The following PKM variants were observed in gnomAD, a reference collection of about 807,000 sequenced individuals.
The protein encoded by PKM is pyruvate kinase M1/2.
A neutral mutation model predicts 49.8 loss-of-function variants in PKM; 18 were observed. The observed-to-expected ratio is 0.36, with a 90% CI of 0.25 to 0.54. PKM has a LOEUF of 0.54. PKM is among the 20% of genes least tolerant of loss of function. The pLI is 0.89. For synonymous variants in PKM, 239 were observed against 261.8 expected (o/e 0.91, Z 0.84); for missense variants, 508 against 713.8 (o/e 0.71, Z 3.28).
chr15:72,223,804 C>T (rs974205253), intron 1 of PKM, among the ~76,000 whole-genome samples: 1 of 151,888 alleles, frequency 6.6e-6, no homozygotes, highest in Admixed American at 6.6e-5. Flanking sequence ...AGACCTGGGT[C>T]TTAAGCCCAC....
chr15:72,207,767 T>G (rs965332320), intron 6 of PKM, among the ~76,000 whole-genome samples: 5 of 152,244 alleles, frequency 3.3e-5, no homozygotes, highest in African/African-American at 1.2e-4. Context: ...TTGCCTGGCC[T>G]AGGGCCAAGT....
Position 72,206,615 on chromosome 15 carries a change from T to C in PKM, c.1140+113A>G, listed in dbSNP as rs572255509. On this transcript the variant is annotated intron_variant, in intron 8 of 10. Coordinates refer to ENST00000335181, the MANE Select transcript of PKM (RefSeq NM_002654.6). ...CTTGCTGCTGTAACTTGGAGGATAA[T>C]GAAAGGCTGTGCATAAGAGGATGGA... is the stretch of plus-strand genomic sequence containing the variant. The C allele has an allele frequency of 1.8e-4, 194 of 1,054,618 alleles. 2 individuals are homozygous for C. In the East Asian group the frequency reaches 4.6e-3, roughly 25 times the overall value. The allele number at this position is 1,054,618 out of a possible 1,614,324, so 65.3% of individuals were successfully genotyped here. A position where few individuals can be genotyped will look rare whatever the true frequency, so the allele number is the denominator to read the frequency against.
chr15:72,230,136 C>T (rs994973388), intron 1 of PKM, among the ~76,000 whole-genome samples: 1 of 152,148 alleles, frequency 6.6e-6, no homozygotes, highest in Non-Finnish European at 1.5e-5. Flanking sequence ...GGCCACCCGG[C>T]AAGGGCCGGT....
At position 72,200,410 on chromosome 15, in the gene PKM, C is replaced by G; in HGVS notation, c.1489+64G>C. ...TATTCCCCAAACTTTCGGGGTCCCA[C>G]AGAAGCCAATGCTCAAGCATCCCCA... On this transcript the variant is annotated intron_variant, in intron 10 of 10. Coordinates refer to ENST00000335181, the MANE Select transcript of PKM (RefSeq NM_002654.6). This position sits in a 1 kb window ranked among gnomAD's most constrained non-coding sequence, Gnocchi z 4.6. 6.5e-7 allele frequency: 1 copy of G among 1,529,396 alleles called. No individual in the cohort carries two copies. Among genetic ancestry groups the G allele is most frequent in the South Asian group, 1.1e-5 (1 of 88,866 alleles). 94.7% of individuals were successfully genotyped at this position (1,529,396 alleles called of 1,614,324 possible).
intron 3 of PKM, among the ~76,000 whole-genome samples, chr15:72,212,658 A>C (rs970958992): frequency 3.9e-5 from 6 of 152,294 alleles, no homozygotes; most frequent in African/African-American, 1.4e-4. Flanking sequence ...ACTCAGGTGT[A>C]CTGAGTTCCA....
At chr15:72,223,527 G>A (rs2082582261) in intron 1 of PKM, among the ~76,000 whole-genome samples, 1 of 152,162 alleles carries the variant, frequency 6.6e-6, no homozygotes, top group South Asian at 2.1e-4. Flanking sequence ...CCGAACACCT[G>A]CATCCGTTAG....
rs998657395 is a variant in PKM at position 72,221,361 on chromosome 15, G to C, written c.-13-2251C>G. 3 of 769,692 alleles carry C rather than the reference G, an allele frequency of 3.9e-6. No individual in the cohort carries two copies. The African/African-American group carries it at 5.2e-5, about 13-fold the overall frequency. 47.7% of individuals were successfully genotyped at this position (769,692 alleles called of 1,614,324 possible). ...ATGGAAAAATTACCTTAATAACCAG[G>C]TATCCAGGTGACAGCTGCTCTAGAG... On this transcript the variant is annotated intron_variant, in intron 1 of 10. Coordinates refer to ENST00000335181, the MANE Select transcript of PKM (RefSeq NM_002654.6).
chr15:72,207,950 G>A (rs2082128829), intron 6 of PKM, among the ~76,000 whole-genome samples: 1 of 152,248 alleles, frequency 6.6e-6, no homozygotes, highest in African/African-American at 2.4e-5. Flanking sequence ...TAGCATCTTA[G>A]TTGTGCTGAG....
At chr15:72,207,066 A>G (rs1024102900) in intron 7 of PKM, 61 bp downstream of exon 7, 2 of 1,593,854 alleles carry the variant, frequency 1.3e-6, no homozygotes, top group Admixed American at 1.7e-5. Context: ...CAGCCTCCAG[A>G]GCTTTCCCAT....
chr15:72,219,074 G>C lies in PKM; in HGVS notation c.24C>G (p.Ala8=). MSKPHSE[A]GTAFIQTQQL... ...GCTGGGTCTGAATGAAGGCAGTCCC[G>C]GCTTCACTATGGGGCTTCGACATGG... is the stretch of plus-strand genomic sequence containing the variant. Residue 8 remains alanine, a synonymous_variant, in exon 2 of 11, where the codon GCC becomes GCG. Coordinates refer to ENST00000335181, the MANE Select transcript of PKM (RefSeq NM_002654.6). 1 of 1,614,134 alleles carries C rather than the reference G, an allele frequency of 6.2e-7. No homozygotes were observed. The highest frequency in any genetic ancestry group is 8.5e-7 in the Non-Finnish European group (1 of 1,179,998).
chr15:72,219,645 C>T (rs1266772428), intron 1 of PKM, among the ~76,000 whole-genome samples: 1 of 152,200 alleles, frequency 6.6e-6, no homozygotes, highest in Non-Finnish European at 1.5e-5. Context: ...AACCCAAAGT[C>T]ATTCCCCTGA....
Position 72,206,725 on chromosome 15 carries a change from C to A in PKM, c.1140+3G>T. On this transcript the variant is annotated splice_donor_region_variant and intron_variant, in intron 8 of 10. Transcript: ENST00000335181. ...GGGGGATGGGGCAGGCCCCAGAACTCACCAGGTGCTGCATGCGCACAGCCT... is the reference window on the plus strand; with the variant it reads ...GGGGGATGGGGCAGGCCCCAGAACTAACCAGGTGCTGCATGCGCACAGCCT... 6.2e-7 allele frequency: 1 copy of A among 1,612,666 alleles called. No homozygotes were observed. The highest frequency in any genetic ancestry group is 8.5e-7 in the Non-Finnish European group (1 of 1,179,986).
chr15:72,206,638 G>A, intron 8 of PKM, 90 bp downstream of exon 8: 1 of 1,279,890 alleles, frequency 7.8e-7, no homozygotes, highest in South Asian at 1.2e-5. Context: ...ATAAGAGGAT[G>A]GAGAAACCTA....
chr15:72,202,369 G>T lies in PKM; in HGVS notation c.1307+85C>A. 7.3e-7 allele frequency: 1 copy of T among 1,376,860 alleles called. No individual in the cohort carries two copies. Among genetic ancestry groups the T allele is most frequent in the Non-Finnish European group, 1.0e-6 (1 of 988,588 alleles). The allele number at this position is 1,376,860 out of a possible 1,614,324, so 85.3% of individuals were successfully genotyped here. ...CTTACCTTGGCTCAGTGCCACCTGA[G>T]CATTGTTCAATGGACTGCTCCCAGG... On this transcript the variant is annotated intron_variant, in intron 9 of 10. Transcript: ENST00000335181. The surrounding 1 kb of genome is among the most constrained non-coding windows in gnomAD (Gnocchi z 4.5).
intron 8 of PKM, among the ~76,000 whole-genome samples, chr15:72,205,870 C>T (rs1448919385): frequency 2.6e-5 from 4 of 152,124 alleles, no homozygotes; most frequent in African/African-American, 9.7e-5. Context: ...GATCAGGGAT[C>T]CCTGAGTTAG....
Position 72,230,210 on chromosome 15 carries a change from G to A in PKM, c.-14+906C>T, listed in dbSNP as rs543329241. ...GGCCGCCCATCTAATCCCGGCCACA[G>A]GGGACGGCACCGCGCCGCAGGGGCA... On this transcript the variant is annotated intron_variant, in intron 1 of 10. Transcript: ENST00000335181. Among the ~76,000 whole-genome samples the A allele has an allele frequency of 4.3e-3, 657 of 152,318 alleles. 4 individuals are homozygous for A. The highest frequency in any genetic ancestry group is 7.9e-3 in the Non-Finnish European group (534 of 68,010).
Position 72,200,720 on chromosome 15 carries a change from G to T in PKM, c.1308-65C>A. 1 of 1,402,468 alleles carries T rather than the reference G, an allele frequency of 7.1e-7. No homozygotes were observed. The highest frequency in any genetic ancestry group is 9.9e-7 in the Non-Finnish European group (1 of 1,006,386). 86.9% of individuals were successfully genotyped at this position (1,402,468 alleles called of 1,614,324 possible). On this transcript the variant is annotated intron_variant, in intron 9 of 10. Coordinates refer to ENST00000335181, the MANE Select transcript of PKM (RefSeq NM_002654.6). This position sits in a 1 kb window ranked among gnomAD's most constrained non-coding sequence, Gnocchi z 4.6. ...CGAGGCCCCAGGAAGTACCCTCAGGGCGTTCAAACAGCTCACCCTCTCATC... is the reference window on the plus strand; with the variant it reads ...CGAGGCCCCAGGAAGTACCCTCAGGTCGTTCAAACAGCTCACCCTCTCATC...
Position 72,206,887 on chromosome 15 carries a change from G to A in PKM, c.988-7C>T. The A allele has an allele frequency of 6.2e-7, 1 of 1,614,028 alleles. No individual in the cohort carries two copies. The highest frequency in any genetic ancestry group is 8.5e-7 in the Non-Finnish European group (1 of 1,179,998). ...TGATCATGCTCTCCAGCATCTGGGA[G>A]GGGACAGAGCATTAGTGAGATGTAG... On this transcript the variant is annotated splice_region_variant and splice_polypyrimidine_tract_variant and intron_variant, in intron 7 of 10. Coordinates refer to ENST00000335181, the MANE Select transcript of PKM (RefSeq NM_002654.6).
intron 8 of PKM, among the ~76,000 whole-genome samples, chr15:72,205,324 C>A (rs1204766592): frequency 6.6e-6 from 1 of 152,126 alleles, no homozygotes; most frequent in East Asian, 1.9e-4. Flanking sequence ...AGGGTTTCAC[C>A]AGGTTGCCCA....
Sources: gnomAD v4.1 joint callset for allele counts (sites outside exome capture counted in the v4.1 genomes callset) on GRCh38, gnomAD v4.1.1 for gene constraint, Gnocchi (gnomAD v3.1) non-coding constraint, MANE v1.5 for transcripts, NCBI Gene and HGNC (gene_info 2026-07-23, HGNC 2026-07-21) for gene names.